Variants in TTC14 observed in about 807,000 individuals in gnomAD.
TTC14 encodes tetratricopeptide repeat domain 14.
In TTC14, 63 loss-of-function variants were observed where a neutral mutation model predicts 79.9. The observed-to-expected ratio is 0.79, with a 90% confidence interval of 0.64 to 0.97. The LOEUF (loss-of-function observed/expected upper bound fraction) is 0.97, where lower values mean the gene tolerates loss of function less well. Among genes scored for constraint, TTC14 ranks in the 50% least tolerant of loss-of-function variants. The pLI is 0.00. For synonymous variants in TTC14, 335 were observed against 309.6 expected, an observed-to-expected ratio of 1.08 and a Z score of -0.86; for missense variants, 895 against 894.0, an observed-to-expected ratio of 1.00 and a Z score of -0.01.
chr3:180,611,858 G>A (rs1717008468), downstream of TTC14, among the ~76,000 whole-genome samples: 1 of 152,160 alleles, frequency 6.6e-6, no homozygotes, highest in Non-Finnish European at 1.5e-5. Flanking sequence ...CTTATTCCTT[G>A]TTCTGTCTTG....
Position 180,603,190 on chromosome 3 carries a change from T to G in TTC14, c.353T>G (p.Leu118Arg). The G allele has an allele frequency of 6.2e-7, 1 of 1,614,150 alleles. No homozygotes were observed. Among genetic ancestry groups the G allele is most frequent in the Middle Eastern group, 1.7e-4 (1 of 6,060 alleles). Residue 118 changes from leucine (L) to arginine (R), a missense_variant, in exon 3 of 12, where the codon CTG (leucine) becomes CGG (arginine). Physicochemically the swap from Leu to Arg is moderately radical, Grantham distance 102. Transcript: ENST00000296015. ...ATACCTAGTATGGATCGGAGAGAGC[T>G]GTTTTTCCGAGATATTGAGCGTGGT... ...MEIPSMDRRE[L>R]FFRDIERGDI...
chr3:180,602,453 G>T, intron 1 of TTC14, 31 bp downstream of exon 1: 3 of 1,572,398 alleles, frequency 1.9e-6, no homozygotes, highest in Non-Finnish European at 2.6e-6. Context: ...CTGCGCCACG[G>T]AAGAGGGGAC....
chr3:180,617,056 CATTT>C, intron 12 of TTC14: 1 of 754,484 alleles, frequency 1.3e-6, no homozygotes, highest in Non-Finnish European at 2.0e-6. Context: ...AATTTTAATT[CATTT>C]ATTTTTGTAC....
At position 180,606,392 on chromosome 3, in the gene TTC14, A is replaced by G. The variant is rs1330983087; in HGVS notation, c.1049+20A>G. The G allele has an allele frequency of 3.1e-6, 5 of 1,613,764 alleles. No homozygotes were observed. The highest frequency in any genetic ancestry group is 3.4e-6 in the Non-Finnish European group (4 of 1,179,872). On this transcript the variant is annotated intron_variant, in intron 8 of 11. Coordinates refer to ENST00000296015, the MANE Select transcript of TTC14 (RefSeq NM_133462.4). ...AGCATTGTAAGTGAATCATACATGG[A>G]TTTTAAGGAATGTTTACCAGGTAAA...
chr3:180,612,904 C>T (rs1296994810), downstream of TTC14, among the ~76,000 whole-genome samples: 1 of 152,124 alleles, frequency 6.6e-6, no homozygotes, highest in South Asian at 2.1e-4. Context: ...CCAAATCACC[C>T]TATCCAAAAG....
At position 180,607,679 on chromosome 3, in the gene TTC14, G is replaced by A; in HGVS notation, c.1204G>A (p.Glu402Lys). 1.2e-6 allele frequency: 2 copies of A among 1,605,976 alleles called. No homozygotes were observed. Among genetic ancestry groups the A allele is most frequent in the Non-Finnish European group, 1.7e-6 (2 of 1,177,600 alleles). ...LEEEEKFLNA[E>K]SYYKKALALD... ...AGAAGAAGAAAAGTTTTTAAATGCT[G>A]AAAGTTACTATAAGAAAGCTTTGGC... Residue 402 changes from glutamate (E) to lysine (K), a missense_variant, in exon 10 of 12, where the codon GAA becomes AAA. Physicochemically the swap from Glu to Lys is moderately conservative, Grantham distance 56 (BLOSUM62 1). Coordinates refer to ENST00000296015, the MANE Select transcript of TTC14 (RefSeq NM_133462.4).
intron 1 of TTC14, 121 bp downstream of exon 1, chr3:180,602,543 G>A: frequency 1.5e-6 from 2 of 1,322,470 alleles, no homozygotes; most frequent in Non-Finnish European, 2.0e-6. Flanking sequence ...CAGGACGATC[G>A]CGCGCTGGTG....
At position 180,606,388 on chromosome 3, in the gene TTC14, A is replaced by G. The variant is rs550226862; in HGVS notation, c.1049+16A>G. The stretch of plus-strand genomic sequence containing the variant: ...GTGGAGCATTGTAAGTGAATCATAC[A>G]TGGATTTTAAGGAATGTTTACCAGG... On this transcript the variant is annotated intron_variant, in intron 8 of 11. Coordinates refer to ENST00000296015, the MANE Select transcript of TTC14 (RefSeq NM_133462.4). 31 of 1,613,894 alleles carry G rather than the reference A, an allele frequency of 1.9e-5. No individual in the cohort carries two copies. The highest frequency in any genetic ancestry group is 5.5e-5 in the South Asian group (5 of 91,038).
downstream of TTC14, chr3:180,614,712 G>T: frequency 2.1e-6 from 1 of 479,758 alleles, no homozygotes; most frequent in Non-Finnish European, 3.6e-6. Flanking sequence ...ATAACATGTA[G>T]CCTTGTCAAG....
At position 180,610,207 on chromosome 3, in the gene TTC14, A is replaced by G; in HGVS notation, c.1978A>G (p.Arg660Gly). The G allele has an allele frequency of 6.2e-7, 1 of 1,614,030 alleles. No homozygotes were observed. Among genetic ancestry groups the G allele is most frequent in the Non-Finnish European group, 8.5e-7 (1 of 1,179,938 alleles). Residue 660 changes from arginine to glycine, a missense_variant, in exon 12 of 12, where the codon AGG (arginine) becomes GGG (glycine). Arg to Gly is a moderately radical substitution (Grantham distance 125). Transcript: ENST00000296015. Reference protein sequence around the residue: ...DIEGRKEHYRRWEPGSVRHST... With the variant: ...DIEGRKEHYRGWEPGSVRHST... ...AGAGGGAAGAAAAGAGCACTATAGAAGGTGGGAACCAGGTTCTGTGAGGCA... is the reference window on the plus strand; with the variant it reads ...AGAGGGAAGAAAAGAGCACTATAGAGGGTGGGAACCAGGTTCTGTGAGGCA...
At chr3:180,612,349 GCTT>G (rs552849104), downstream of TTC14, among the ~76,000 whole-genome samples, 24 of 152,178 alleles carry the variant, frequency 1.6e-4, no homozygotes, top group South Asian at 4.8e-3. Flanking sequence ...TGAAGTCTGG[GCTT>G]CTAGTGTAAC....
chr3:180,612,878 C>G (rs949684756), downstream of TTC14, among the ~76,000 whole-genome samples: 1 of 152,140 alleles, frequency 6.6e-6, no homozygotes, highest in Non-Finnish European at 1.5e-5. Context: ...CCAGAATTTA[C>G]AAGGAATTCA....
chr3:180,604,818 C>A lies in TTC14; in HGVS notation c.702-34C>A, dbSNP rs1251508342. 2.6e-6 allele frequency: 4 copies of A among 1,568,204 alleles called. 1 individual carries two copies. The South Asian group carries it at 3.5e-5, about 14-fold the overall frequency. ...ACTAGAAATGGAATGTCAAATTAGT[C>A]ATTTTACAATTTTTGTGTTTGTATT... On this transcript the variant is annotated intron_variant, in intron 5 of 11. Transcript: ENST00000296015.
At chr3:180,609,434 TA>T in intron 11 of TTC14, 195 bp from the exon 12 acceptor site, 1 of 1,288,344 alleles carries the variant, frequency 7.8e-7, no homozygotes, top group Non-Finnish European at 9.8e-7. Context: ...CTTACAATGA[TA>T]CCTGTCTGCA....
intron 10 of TTC14, chr3:180,608,240 C>T: frequency 1.0e-6 from 1 of 990,156 alleles, no homozygotes; most frequent in Non-Finnish European, 1.2e-6. Flanking sequence ...TGTAATCATG[C>T]ATCCAACTGG....
chr3:180,611,150 A>G (rs916779167), downstream of TTC14: 4 of 985,246 alleles, frequency 4.1e-6, no homozygotes, highest in Non-Finnish European at 4.8e-6. Flanking sequence ...ACCCAGCATA[A>G]GTGCCTTAGG....
Position 180,610,479 on chromosome 3 carries a change from A to G in TTC14, c.2250A>G (p.Leu750=). The change falls in exon 12 of 12, where the codon TTA becomes TTG. Residue 750 remains leucine, a synonymous_variant. Coordinates refer to ENST00000296015, the MANE Select transcript of TTC14 (RefSeq NM_133462.4). The part of the protein sequence containing the change: ...SSVKKNLPQN[L]LNIFNQIAEF... ...TTAAGAAAAATTTACCTCAGAATTT[A>G]CTGAATATATTTAATCAGATAGCTG... The G allele has an allele frequency of 6.2e-7, 1 of 1,605,176 alleles. No homozygotes were observed.
chr3:180,603,588 C>T lies in TTC14; in HGVS notation c.486+265C>T, dbSNP rs1443847032. Reference sequence around the variant, plus strand: ...AAATGCTCAAAGAGGTATCAGTGGACGTGGTGAGGTTGATTGATATTCAGA... The same window carrying T: ...AAATGCTCAAAGAGGTATCAGTGGATGTGGTGAGGTTGATTGATATTCAGA... On this transcript the variant is annotated intron_variant, in intron 3 of 11. Coordinates refer to ENST00000296015, the MANE Select transcript of TTC14 (RefSeq NM_133462.4). 1.6e-5 allele frequency: 7 copies of T among 439,826 alleles called. No homozygotes were observed. In the East Asian group the frequency reaches 1.9e-4, roughly 12 times the overall value. 27.2% of individuals were successfully genotyped at this position (439,826 alleles called of 1,614,324 possible). A position where few individuals can be genotyped will look rare whatever the true frequency, so the allele number is the denominator to read the frequency against.
chr3:180,609,691 G>A lies in TTC14; in HGVS notation c.1462G>A (p.Val488Met), dbSNP rs201919875. The A allele has an allele frequency of 5.6e-6, 9 of 1,605,646 alleles. No individual in the cohort carries two copies. In the African/African-American group the frequency reaches 8.1e-5, roughly 14 times the overall value. ...SSSVSSADES[V>M]SSSSSSSSSG... ...AAGTGTTTCTTCTGCTGATGAATCA[G>A]TGTCTTCATCATCATCCTCTTCCTC... is the stretch of plus-strand genomic sequence containing the variant. The change falls in exon 12 of 12, where the codon GTG (valine) becomes ATG (methionine). Residue 488 changes from valine (V) to methionine (M), a missense_variant. Coordinates refer to ENST00000296015, the MANE Select transcript of TTC14 (RefSeq NM_133462.4).
Sources: allele counts gnomAD v4.1 joint callset (sites outside exome capture counted in the v4.1 genomes callset), GRCh38; gene constraint gnomAD v4.1.1; transcripts MANE v1.5; gene names NCBI Gene and HGNC (gene_info 2026-07-23, HGNC 2026-07-21).